Variants in PRKCE observed in about 807,000 individuals in gnomAD.
PRKCE encodes protein kinase C epsilon type.
PRKCE carries 16 observed loss-of-function variants against 85.4 expected under a neutral mutation model. The observed-to-expected ratio is 0.19, with a 90% CI of 0.13 to 0.28. The LOEUF is 0.28. Among genes scored for constraint, PRKCE ranks in the 10% least tolerant of loss-of-function variants. PRKCE has a pLI of 1.00. For missense variants in PRKCE, 573 were observed against 975.2 expected (o/e 0.59, Z 5.49); for synonymous variants, 388 against 371.5 (o/e 1.04, Z -0.51).
At chr2:45,958,190 CAAAAA>C (rs60711691) in intron 2 of PRKCE, among the ~76,000 whole-genome samples, 1 of 110,086 alleles carries the variant, frequency 9.1e-6, no homozygotes. Context: ...ATTAGGCCCG[CAAAAA>C]AAAAAAAAAA....
intron 1 of PRKCE, among the ~76,000 whole-genome samples, chr2:45,653,199 C>A (rs909628015): frequency 1.3e-5 from 2 of 152,012 alleles, no homozygotes; most frequent in Non-Finnish European, 2.9e-5. Context: ...CAATAAAAGA[C>A]GATTTCTAAG....
intron 1 of PRKCE, among the ~76,000 whole-genome samples, chr2:45,828,110 A>G (rs1386133133): frequency 1.3e-5 from 2 of 152,240 alleles, no homozygotes; most frequent in Non-Finnish European, 1.5e-5. Flanking sequence ...GTCTGCTGTT[A>G]TGACAGTTTG....
intron 8 of PRKCE, among the ~76,000 whole-genome samples, chr2:46,007,151 G>A (rs7598610): frequency 1 from 152,346 of 152,348 alleles, 76,172 homozygotes; most frequent in Middle Eastern, 1. Flanking sequence ...ACCTAGAACA[G>A]TGGAATAGGC....
chr2:45,830,072 CAAAAA>C (rs34553119), intron 1 of PRKCE, among the ~76,000 whole-genome samples: 1 of 108,892 alleles, frequency 9.2e-6, no homozygotes, highest in Admixed American at 9.8e-5. Context: ...GACTCCGTCT[CAAAAA>C]AAAAAAAAAA....
intron 2 of PRKCE, among the ~76,000 whole-genome samples, chr2:45,947,331 G>A (rs932319782): frequency 1.3e-4 from 20 of 152,078 alleles, no homozygotes; most frequent in Non-Finnish European, 2.1e-4. Flanking sequence ...AGAGGCAGGC[G>A]TGAATGAGGG....
At chr2:46,089,767 A>T (rs1480487006) in intron 11 of PRKCE, among the ~76,000 whole-genome samples, 1 of 152,158 alleles carries the variant, frequency 6.6e-6, no homozygotes, top group African/African-American at 2.4e-5. Context: ...TGCTTCTCAC[A>T]AAGACACCCT....
chr2:45,713,421 T>C (rs1294192739), intron 1 of PRKCE, among the ~76,000 whole-genome samples: 2 of 152,134 alleles, frequency 1.3e-5, no homozygotes, highest in Non-Finnish European at 2.9e-5. Context: ...TGCAGGGGTA[T>C]GCATCTTCCT....
chr2:45,954,352 G>C (rs187441304), intron 2 of PRKCE, among the ~76,000 whole-genome samples: 36 of 152,256 alleles, frequency 2.4e-4, no homozygotes, highest in Admixed American at 1.9e-3. Flanking sequence ...ATTTTCTTGT[G>C]ATCAAATTGT....
chr2:46,085,022 G>A (rs1558436395), intron 10 of PRKCE, among the ~76,000 whole-genome samples: 1 of 151,896 alleles, frequency 6.6e-6, no homozygotes, highest in Non-Finnish European at 1.5e-5. Context: ...TTATCATTTT[G>A]TCCATTTCCC....
At chr2:46,056,414 T>G (rs1258044922) in intron 10 of PRKCE, among the ~76,000 whole-genome samples, 1 of 152,178 alleles carries the variant, frequency 6.6e-6, no homozygotes, top group African/African-American at 2.4e-5. Flanking sequence ...CAGTAACTTA[T>G]ATGGGATTAA....
At chr2:45,841,316 A>C (rs1691330791) in intron 1 of PRKCE, among the ~76,000 whole-genome samples, 1 of 152,202 alleles carries the variant, frequency 6.6e-6, no homozygotes, top group Non-Finnish European at 1.5e-5. Context: ...AAAACCTGAA[A>C]AGTAGGAAAG....
At chr2:45,949,502 G>A (rs1258752475) in intron 2 of PRKCE, among the ~76,000 whole-genome samples, 1 of 136,204 alleles carries the variant, frequency 7.3e-6, no homozygotes, top group Non-Finnish European at 1.5e-5. Flanking sequence ...TGTTGCAAAT[G>A]TCTTTTCTCG....
intron 10 of PRKCE, among the ~76,000 whole-genome samples, chr2:46,055,550 T>G (rs969357440): frequency 6.6e-6 from 1 of 152,262 alleles, no homozygotes; most frequent in Non-Finnish European, 1.5e-5. Context: ...TAACTTTGAT[T>G]CTTTTATACC....
chr2:46,048,560 G>A (rs779871116), intron 10 of PRKCE, among the ~76,000 whole-genome samples: 22 of 152,164 alleles, frequency 1.4e-4, no homozygotes, highest in South Asian at 2.1e-4. Context: ...AGGGGTGGAC[G>A]TGCCCAGTGT....
chr2:45,797,830 G>A (rs1202740790), intron 1 of PRKCE, among the ~76,000 whole-genome samples: 1 of 152,214 alleles, frequency 6.6e-6, no homozygotes. Flanking sequence ...TCTTACAAGT[G>A]CTCTACCTCA....
At position 46,129,514 on chromosome 2, in the gene PRKCE, C is replaced by A. The variant is rs559342372; in HGVS notation, c.1593-15579C>A. On this transcript the variant is annotated intron_variant, in intron 11 of 14. Transcript: ENST00000306156. Reference sequence around the variant, plus strand: ...GAACGTGTTTCCATAGTGCCAAGAACAGCGCATGTCACGTGGTAGTCACTC... The same window carrying A: ...GAACGTGTTTCCATAGTGCCAAGAAAAGCGCATGTCACGTGGTAGTCACTC... Among the ~76,000 whole-genome samples the A allele has an allele frequency of 2.0e-5, 3 of 152,214 alleles. No homozygotes were observed. The South Asian group carries it at 6.2e-4, about 32-fold the overall frequency.
intron 10 of PRKCE, among the ~76,000 whole-genome samples, chr2:46,019,422 G>A (rs1240796262): frequency 6.6e-6 from 1 of 152,190 alleles, no homozygotes; most frequent in Non-Finnish European, 1.5e-5. Context: ...GCTACCAGGA[G>A]AGGTTCCACC....
At chr2:45,823,461 TGAATTAAA>T (rs1689700525) in intron 1 of PRKCE, among the ~76,000 whole-genome samples, 1 of 152,230 alleles carries the variant, frequency 6.6e-6, no homozygotes, top group South Asian at 2.1e-4. Context: ...GACAGATTAA[TGAATTAAA>T]GAATCAGAGA....
chr2:45,788,879 G>C (rs1037518869), intron 1 of PRKCE, among the ~76,000 whole-genome samples: 1 of 152,050 alleles, frequency 6.6e-6, no homozygotes, highest in African/African-American at 2.4e-5. Context: ...ATCAGAGAAG[G>C]GCATTGACTT....
Sources: allele counts gnomAD v4.1 joint callset (sites outside exome capture counted in the v4.1 genomes callset), GRCh38; gene constraint gnomAD v4.1.1; transcripts MANE v1.5; gene names NCBI Gene and HGNC (gene_info 2026-07-23, HGNC 2026-07-21).